NCKAP5L: variants seen among roughly 807,000 people sequenced by gnomAD.
NCKAP5L encodes the protein NCK associated protein 5 like, also known as nck-associated protein 5-like.
NCKAP5L carries 54 observed loss-of-function variants against 103.2 expected under a neutral mutation model. The observed-to-expected ratio is 0.52, with a 90% CI of 0.42 to 0.66. The LOEUF is 0.66. Among genes scored for constraint, NCKAP5L ranks in the 30% least tolerant of loss-of-function variants. The probability of loss-of-function intolerance (pLI) is 0.00; values close to 1 mark genes in which losing one functional copy is unlikely to be tolerated. For missense variants in NCKAP5L, 1,733 were observed against 1,750.6 expected (o/e 0.99, Z 0.18); for synonymous variants, 762 against 748.6 (o/e 1.02, Z -0.29).
rs1261459659 is a variant in NCKAP5L, at chr12:49,824,424, A to T, written c.-99+3898T>A. ...GACTGCTTCTTGGGGACCCCAGCCC[A>T]TCTCTGAAGCCCCCTTGCATCCTTG... On this transcript the variant is annotated intron_variant, in intron 1 of 12. Transcript: ENST00000335999. 7.2e-5 allele frequency among the ~76,000 whole-genome samples: 11 copies of T among 152,358 alleles called. No individual in the cohort carries two copies. The East Asian group carries it at 2.1e-3, about 29-fold the overall frequency.
Position 49,804,008 on chromosome 12 carries a change from C to T in NCKAP5L, c.37G>A (p.Gly13Arg), listed in dbSNP as rs751590497. The change falls in exon 3 of 13, where the codon GGA (glycine) becomes AGA (arginine). Residue 13 changes from glycine (G) to arginine (R), a missense_variant. Transcript: ENST00000335999. ...EAMDQPAGGP[G>R]NPRPGEGDDG... ...TCACCCTCTCCTGGCCTTGGGTTTC[C>T]AGGACCCCCAGCTGGCTGGTCCATG... The T allele has an allele frequency of 1.2e-6, 2 of 1,612,190 alleles. No individual in the cohort carries two copies.
rs940177293 is a variant in NCKAP5L, at chr12:49,797,829, C to T, written c.466-435G>A. On this transcript the variant is annotated intron_variant, in intron 7 of 12. Transcript: ENST00000335999. This position sits in a 1 kb window ranked among gnomAD's most constrained non-coding sequence, Gnocchi z 4.5. Reference sequence around the variant, plus strand: ...TCCTAAGTCAGTCACTATAGGCAAACCCAGGCCTCCTCAGGGAACACAGCT... The same window carrying T: ...TCCTAAGTCAGTCACTATAGGCAAATCCAGGCCTCCTCAGGGAACACAGCT... Among the ~76,000 whole-genome samples, 1 of 152,148 alleles carries T rather than the reference C, an allele frequency of 6.6e-6. No homozygotes were observed. Among genetic ancestry groups the T allele is most frequent in the East Asian group, 1.9e-4 (1 of 5,190 alleles).
In NCKAP5L at chr12:49,794,874, G is replaced by A. The variant is rs756595630; in HGVS notation, c.2986C>T (p.Arg996Trp). Residue 996 changes from arginine (R) to tryptophan (W), a missense_variant, in exon 8 of 13, where the codon CGG becomes TGG. By Grantham distance (101) the Arg-to-Trp change is moderately radical. Coordinates refer to ENST00000335999, the MANE Select transcript of NCKAP5L (RefSeq NM_001037806.4). Reference protein sequence around the residue: ...KAYLSSRARPRPGGPAPGPNT... With the variant: ...KAYLSSRARPWPGGPAPGPNT... Reference sequence around the variant, plus strand: ...GGCCCTGGGGCTGGGCCACCAGGCCGTGGCCGGGCCCGGCTGCTTAGGTAG... The same window carrying A: ...GGCCCTGGGGCTGGGCCACCAGGCCATGGCCGGGCCCGGCTGCTTAGGTAG... 40 of 1,502,316 alleles carry A rather than the reference G, an allele frequency of 2.7e-5. No individual in the cohort carries two copies. The highest frequency in any genetic ancestry group is 1.1e-4 in the South Asian group (8 of 75,274). 93.1% of individuals were successfully genotyped at this position (1,502,316 alleles called of 1,614,324 possible).
Position 49,793,414 on chromosome 12 carries a change from C to G in NCKAP5L, c.3278G>C (p.Arg1093Thr). The G allele has an allele frequency of 6.2e-7, 1 of 1,609,502 alleles. No individual in the cohort carries two copies. The highest frequency in any genetic ancestry group is 8.5e-7 in the Non-Finnish European group (1 of 1,179,786). The change falls in exon 10 of 13, where the codon AGG (arginine) becomes ACG (threonine). Residue 1093 changes from arginine to threonine, a missense_variant. Transcript: ENST00000335999. ...GTCCTCCGAGGGCATCTCTTCCCGC[C>G]TCCCTGGCTCGCTGCTCGGCTGTGT... Reference protein sequence around the residue: ...PPGKPSSEPGRREEMPSEDSL... With the variant: ...PPGKPSSEPGTREEMPSEDSL...
At position 49,795,952 on chromosome 12, in the gene NCKAP5L, C is replaced by G. The variant is rs548781417; in HGVS notation, c.1908G>C (p.Arg636Ser). Residue 636 changes from arginine to serine, a missense_variant, in exon 8 of 13, where the codon AGG (arginine) becomes AGC (serine). Coordinates refer to ENST00000335999, the MANE Select transcript of NCKAP5L (RefSeq NM_001037806.4). ...AGSESPHPGRRTPGNSSKKPS... is the reference protein window; with the variant it reads ...AGSESPHPGRSTPGNSSKKPS... ...GCTTCTTGGATGAGTTGCCTGGGGTCCTGCGGCCGGGATGGGGAGACTCCG... is the reference window on the plus strand; with the variant it reads ...GCTTCTTGGATGAGTTGCCTGGGGTGCTGCGGCCGGGATGGGGAGACTCCG... 5.9e-6 allele frequency: 9 copies of G among 1,530,386 alleles called. No homozygotes were observed. In the African/African-American group the frequency reaches 1.1e-4, roughly 19 times the overall value. 94.8% of individuals were successfully genotyped at this position (1,530,386 alleles called of 1,614,324 possible).
chr12:49,796,663 GC>G lies in NCKAP5L; in HGVS notation c.1196del (p.Gly399AlafsTer32). 1 of 1,581,656 alleles carries G rather than the reference GC, an allele frequency of 6.3e-7. No individual in the cohort carries two copies. The highest frequency in any genetic ancestry group is 8.6e-7 in the Non-Finnish European group (1 of 1,165,440). On this transcript the variant is annotated frameshift_variant, in exon 8 of 13. Coordinates refer to ENST00000335999, the MANE Select transcript of NCKAP5L (RefSeq NM_001037806.4). LOFTEE classifies it high-confidence loss of function. ...HRPGFGATSE[G>X]QGPLPFLSMF... is the part of the protein sequence containing the mutation. ...TGCTAAGGAAGGGGAGGGGCCCCTG[GC>G]CCTCTGAGGTAGCACCGAAGCCTGG...
At position 49,791,901 on chromosome 12, in the gene NCKAP5L, T is replaced by C; in HGVS notation, c.3943A>G (p.Thr1315Ala). Reference sequence around the variant, plus strand: ...AGTGAGTCACTGAGAGACTCCGAGGTCTCCAGCCCTGGGGGGCCCCCGCTG... The same window carrying C: ...AGTGAGTCACTGAGAGACTCCGAGGCCTCCAGCCCTGGGGGGCCCCCGCTG... ...VASGGPPGLE[T>A]SESLSDSLYD... Residue 1315 changes from threonine to alanine, a missense_variant, in exon 13 of 13, where the codon ACC (threonine) becomes GCC (alanine). Physicochemically the swap from Thr to Ala is moderately conservative, Grantham distance 58. Coordinates refer to ENST00000335999, the MANE Select transcript of NCKAP5L (RefSeq NM_001037806.4). The C allele has an allele frequency of 1.9e-6, 3 of 1,612,184 alleles. No individual in the cohort carries two copies. Among genetic ancestry groups the C allele is most frequent in the Non-Finnish European group, 2.5e-6 (3 of 1,179,454 alleles).
chr12:49,808,302 G>A (rs1592755648), intron 1 of NCKAP5L, among the ~76,000 whole-genome samples: 1 of 152,324 alleles, frequency 6.6e-6, no homozygotes, highest in Non-Finnish European at 1.5e-5. Flanking sequence ...AGTGGGGCTA[G>A]GACTCAGCCC....
At chr12:49,805,349 T>C (rs1185229557) in intron 2 of NCKAP5L, 4 of 152,348 alleles carry the variant, frequency 2.6e-5, no homozygotes, top group African/African-American at 9.6e-5. Context: ...CAGACCTGCA[T>C]CACACCATGG....
At chr12:49,816,345 AG>A (rs2137033509) in intron 1 of NCKAP5L, among the ~76,000 whole-genome samples, 1 of 152,228 alleles carries the variant, frequency 6.6e-6, no homozygotes, top group African/African-American at 2.4e-5. Context: ...GGGACAGCTA[AG>A]AACATACATG....
chr12:49,809,574 C>A (rs1223308487), intron 1 of NCKAP5L, among the ~76,000 whole-genome samples: 1 of 152,166 alleles, frequency 6.6e-6, no homozygotes, highest in Admixed American at 6.5e-5. Flanking sequence ...CCGCACCCTC[C>A]CCAGCTGCTT....
chr12:49,818,298 G>A (rs1438038822), intron 1 of NCKAP5L, among the ~76,000 whole-genome samples: 10 of 152,176 alleles, frequency 6.6e-5, no homozygotes, highest in Non-Finnish European at 1.5e-4. Context: ...AAACTAAAAA[G>A]CTTCTGCAGA....
rs981508046 is a variant in NCKAP5L, at chr12:49,792,314, G to C, written c.3792+132C>G. On this transcript the variant is annotated intron_variant, in intron 12 of 12. Transcript: ENST00000335999. This position sits in a 1 kb window ranked among gnomAD's most constrained non-coding sequence, Gnocchi z 4.5. ...AGGGCCGCTCACAGGGCATCCCAGGGGTCCTCCTCCCAGAGGGTGCAGCAC... is the reference window on the plus strand; with the variant it reads ...AGGGCCGCTCACAGGGCATCCCAGGCGTCCTCCTCCCAGAGGGTGCAGCAC... 3.3e-6 allele frequency: 5 copies of C among 1,527,602 alleles called. No homozygotes were observed. The highest frequency in any genetic ancestry group is 4.4e-6 in the Non-Finnish European group (5 of 1,133,230). The allele number at this position is 1,527,602 out of a possible 1,614,324, so 94.6% of individuals were successfully genotyped here. A position where few individuals can be genotyped will look rare whatever the true frequency, so the allele number is the denominator to read the frequency against.
chr12:49,792,677 C>T lies in NCKAP5L; in HGVS notation c.3649+1G>A, dbSNP rs755384162. 7 of 1,612,776 alleles carry T rather than the reference C, an allele frequency of 4.3e-6. No homozygotes were observed. The highest frequency in any genetic ancestry group is 8.5e-7 in the Non-Finnish European group (1 of 1,179,534). ...TCCCACCCTCCCACCTGGACACTCA[C>T]CATCAGGACAGGTCTCATGGCCCCG... On this transcript the variant is annotated splice_donor_variant, in intron 11 of 12. Coordinates refer to ENST00000335999, the MANE Select transcript of NCKAP5L (RefSeq NM_001037806.4). LOFTEE classifies it high-confidence loss of function. This position sits in a 1 kb window ranked among gnomAD's most constrained non-coding sequence, Gnocchi z 4.5.
Position 49,795,317 on chromosome 12 carries a change from G to A in NCKAP5L, c.2543C>T (p.Pro848Leu). 2.0e-6 allele frequency: 3 copies of A among 1,530,166 alleles called. No homozygotes were observed. The highest frequency in any genetic ancestry group is 2.6e-6 in the Non-Finnish European group (3 of 1,142,148). 94.8% of individuals were successfully genotyped at this position (1,530,166 alleles called of 1,614,324 possible). A position where few individuals can be genotyped will look rare whatever the true frequency, so the allele number is the denominator to read the frequency against. Residue 848 changes from proline (P) to leucine (L), a missense_variant, in exon 8 of 13, where the codon CCT becomes CTT. Coordinates refer to ENST00000335999, the MANE Select transcript of NCKAP5L (RefSeq NM_001037806.4). ...ESPKPDKGKG[P>L]PWADCGSTTA... is the part of the protein sequence containing the mutation. ...GGTACTACCACAGTCTGCCCAGGGA[G>A]GGCCCTTCCCTTTGTCAGGCTTGGG...
chr12:49,796,019 G>A lies in NCKAP5L; in HGVS notation c.1841C>T (p.Pro614Leu). The change falls in exon 8 of 13, where the codon CCC becomes CTC. Residue 614 changes from proline (P) to leucine (L), a missense_variant. Pro to Leu is a moderately conservative substitution (Grantham distance 98). Transcript: ENST00000335999. The part of the protein sequence containing the change: ...PPSPCLPESY[P>L]YGSPQEKSLD... Reference sequence around the variant, plus strand: ...ACTCTTCTCTTGGGGGCTCCCATAGGGGTACGATTCTGGGAGGCAAGGACT... The same window carrying A: ...ACTCTTCTCTTGGGGGCTCCCATAGAGGTACGATTCTGGGAGGCAAGGACT... 1 of 1,551,946 alleles carries A rather than the reference G, an allele frequency of 6.4e-7. No homozygotes were observed. The highest frequency in any genetic ancestry group is 8.7e-7 in the Non-Finnish European group (1 of 1,154,444).
At position 49,794,842 on chromosome 12, in the gene NCKAP5L, C is replaced by T. The variant is rs1033764569; in HGVS notation, c.3018G>A (p.Thr1006=). The T allele has an allele frequency of 9.9e-6, 15 of 1,519,278 alleles. No homozygotes were observed. Among genetic ancestry groups the T allele is most frequent in the East Asian group, 9.7e-5 (4 of 41,440 alleles). The allele number at this position is 1,519,278 out of a possible 1,614,324, so 94.1% of individuals were successfully genotyped here. ...GCTGGCCCTGCACCTGCCCCAGCCC[C>T]GTGTTGGGCCCTGGGGCTGGGCCAC... ...RPGGPAPGPN[T]GLGQVQGQLA... The change falls in exon 8 of 13, where the codon ACG becomes ACA. Residue 1006 remains threonine, a synonymous_variant. Transcript: ENST00000335999.
Position 49,803,152 on chromosome 12 carries a change from G to A in NCKAP5L, c.137C>T (p.Ala46Val). The A allele has an allele frequency of 6.2e-7, 1 of 1,614,248 alleles. No homozygotes were observed. Among genetic ancestry groups the A allele is most frequent in the Non-Finnish European group, 8.5e-7 (1 of 1,180,050 alleles). The change falls in exon 4 of 13, where the codon GCA (alanine) becomes GTA (valine). Residue 46 changes from alanine to valine, a missense_variant. By Grantham distance (64) the Ala-to-Val change is moderately conservative. Transcript: ENST00000335999. ...CTGGTTTTCGTTGGCCTGGGCAAGTGCCGAGTTCTCTGCCTGCAGGAGTGA... is the reference window on the plus strand; with the variant it reads ...CTGGTTTTCGTTGGCCTGGGCAAGTACCGAGTTCTCTGCCTGCAGGAGTGA... ...RLRELEAENS[A>V]LAQANENQRE...
chr12:49,803,299 G>A (rs967120703), intron 3 of NCKAP5L, 134 bp from the exon 4 acceptor site: 4 of 817,224 alleles, frequency 4.9e-6, no homozygotes, highest in Admixed American at 2.3e-5. Flanking sequence ...TCTTGGCTGT[G>A]AGCAGATTCT....
Sources: gnomAD v4.1 joint callset for allele counts (sites outside exome capture counted in the v4.1 genomes callset) on GRCh38, gnomAD v4.1.1 for gene constraint, Gnocchi (gnomAD v3.1) non-coding constraint, MANE v1.5 for transcripts, NCBI Gene and HGNC (gene_info 2026-07-23, HGNC 2026-07-21) for gene names.